PAK5: variants seen among roughly 807,000 people sequenced by gnomAD.
PAK5 encodes serine/threonine-protein kinase PAK 5.
A neutral mutation model predicts 65.9 loss-of-function variants in PAK5; 16 were observed. The observed-to-expected ratio is 0.24, with a 90% CI of 0.16 to 0.37. The LOEUF is 0.37. Ranked by LOEUF, PAK5 falls within the 10% of genes least tolerant of loss-of-function variation. The probability of loss-of-function intolerance (pLI) is 1.00; values close to 1 mark genes in which losing one functional copy is unlikely to be tolerated. For missense variants in PAK5, 785 were observed against 903.9 expected (o/e 0.87, Z 1.69); for synonymous variants, 371 against 354.9 (o/e 1.05, Z -0.51).
At chr20:9,823,753 G>A (rs1046739386) in intron 1 of PAK5, among the ~76,000 whole-genome samples, 7 of 152,110 alleles carry the variant, frequency 4.6e-5, no homozygotes, top group Non-Finnish European at 1.0e-4. Context: ...CTCTCTTAAC[G>A]GTATTCCATG....
In PAK5 at chr20:9,789,078, A is replaced by G. The variant is rs79213533; in HGVS notation, c.-162+49684T>C. ...GGGTTCCTAGCTGAGCTCTATGGGA[A>G]GTTCTCAGTATGCCATTTGGGGTAA... On this transcript the variant is annotated intron_variant, in intron 1 of 9. Coordinates refer to ENST00000353224, the MANE Select transcript of PAK5 (RefSeq NM_177990.4). Among the ~76,000 whole-genome samples, 14 of 152,310 alleles carry G rather than the reference A, an allele frequency of 9.2e-5. 1 individual carries two copies. In the East Asian group the frequency reaches 2.3e-3, roughly 25 times the overall value.
At chr20:9,570,235 G>T (rs548850520) in intron 4 of PAK5, among the ~76,000 whole-genome samples, 1 of 152,052 alleles carries the variant, frequency 6.6e-6, no homozygotes, top group South Asian at 2.1e-4. Context: ...GCACAGTAAT[G>T]AGAATGCAAA....
chr20:9,631,155 G>A (rs917176891), intron 3 of PAK5, among the ~76,000 whole-genome samples: 4 of 152,306 alleles, frequency 2.6e-5, no homozygotes, highest in South Asian at 2.1e-4. Flanking sequence ...CATTGGGAAC[G>A]AGGTAGACAG....
intron 7 of PAK5, among the ~76,000 whole-genome samples, chr20:9,546,194 C>T (rs1202896603): frequency 6.6e-6 from 1 of 152,150 alleles, no homozygotes. Flanking sequence ...ATAGAGTGAA[C>T]ATCCCTATCT....
chr20:9,544,595 CTCA>C, intron 7 of PAK5, 101 bp from the exon 8 acceptor site: 1 of 1,097,240 alleles, frequency 9.1e-7, no homozygotes. Flanking sequence ...ACAAAACAGT[CTCA>C]TCAACAGGCC....
chr20:9,581,115 A>T (rs1359477291), intron 3 of PAK5, among the ~76,000 whole-genome samples, 185 bp from the exon 4 acceptor site: 1 of 152,176 alleles, frequency 6.6e-6, no homozygotes, highest in Non-Finnish European at 1.5e-5. Context: ...CAAATAGTAA[A>T]CAATCTCAAA....
chr20:9,711,781 C>T (rs543603578), intron 1 of PAK5, among the ~76,000 whole-genome samples: 11 of 152,238 alleles, frequency 7.2e-5, no homozygotes, highest in Non-Finnish European at 1.0e-4. Flanking sequence ...TAGCCCACTA[C>T]CTGGTAATCG....
At chr20:9,807,584 A>C (rs986297422) in intron 1 of PAK5, among the ~76,000 whole-genome samples, 1 of 152,048 alleles carries the variant, frequency 6.6e-6, no homozygotes, top group African/African-American at 2.4e-5. Flanking sequence ...AGCTGCAAAA[A>C]GTTGAAATAA....
intron 2 of PAK5, among the ~76,000 whole-genome samples, chr20:9,673,064 AT>A (rs758141633): frequency 1.3e-5 from 2 of 152,320 alleles, no homozygotes; most frequent in African/African-American, 2.4e-5. Context: ...AAGGAAAAAA[AT>A]AACATGGGCA....
intron 1 of PAK5, among the ~76,000 whole-genome samples, chr20:9,714,583 G>T (rs1181163235): frequency 6.6e-6 from 1 of 152,012 alleles, no homozygotes; most frequent in Non-Finnish European, 1.5e-5. Context: ...ATTTTAAAAT[G>T]GTTACCCTTA....
chr20:9,571,895 T>G (rs1199503342), intron 4 of PAK5, among the ~76,000 whole-genome samples: 1 of 90,310 alleles, frequency 1.1e-5, no homozygotes, highest in African/African-American at 4.2e-5. Context: ...GATGTGGTCT[T>G]AACAGGGGCG....
intron 1 of PAK5, among the ~76,000 whole-genome samples, chr20:9,736,288 A>G (rs2048388937): frequency 6.6e-6 from 1 of 152,182 alleles, no homozygotes; most frequent in African/African-American, 2.4e-5. Flanking sequence ...AACTTCAAGT[A>G]GCCTAATTTA....
intron 1 of PAK5, among the ~76,000 whole-genome samples, chr20:9,817,628 C>T (rs573822960): frequency 1.3e-5 from 2 of 152,112 alleles, no homozygotes; most frequent in Non-Finnish European, 2.9e-5. Context: ...GGAGTGATGA[C>T]AACCCACAGC....
intron 4 of PAK5, among the ~76,000 whole-genome samples, chr20:9,570,113 ATACT>A (rs1267057009): frequency 7.9e-5 from 12 of 152,138 alleles, no homozygotes; most frequent in Non-Finnish European, 1.5e-4. Context: ...AACAATAATA[ATACT>A]TACTTCCTTT....
intron 1 of PAK5, among the ~76,000 whole-genome samples, chr20:9,728,763 G>GT (rs71184155): frequency 6.0e-4 from 89 of 147,254 alleles, no homozygotes; most frequent in East Asian, 4.4e-3. Context: ...TCCTAGATCT[G>GT]TTTTTTTTTT....
chr20:9,677,556 A>G (rs1463004968), intron 2 of PAK5, among the ~76,000 whole-genome samples: 2 of 152,306 alleles, frequency 1.3e-5, no homozygotes, highest in African/African-American at 4.8e-5. Flanking sequence ...ACTAGTTTCC[A>G]TTTACTTGTA....
intron 1 of PAK5, among the ~76,000 whole-genome samples, chr20:9,747,674 T>C (rs2048524823): frequency 6.6e-6 from 1 of 152,044 alleles, no homozygotes; most frequent in Admixed American, 6.6e-5. Context: ...TAGGTATTGA[T>C]GGGACGTATT....
At chr20:9,813,622 G>A (rs1304536606) in intron 1 of PAK5, among the ~76,000 whole-genome samples, 1 of 152,042 alleles carries the variant, frequency 6.6e-6, no homozygotes, top group Non-Finnish European at 1.5e-5. Context: ...AAAAACTGTG[G>A]TGTATTCATA....
chr20:9,736,823 A>T (rs2048394615), intron 1 of PAK5, among the ~76,000 whole-genome samples: 1 of 152,226 alleles, frequency 6.6e-6, no homozygotes, highest in Non-Finnish European at 1.5e-5. Flanking sequence ...AACTCCAGGC[A>T]CAAGAAACAT....
Sources: allele counts gnomAD v4.1 joint callset (sites outside exome capture counted in the v4.1 genomes callset), GRCh38; gene constraint gnomAD v4.1.1; transcripts MANE v1.5; gene names NCBI Gene and HGNC (gene_info 2026-07-23, HGNC 2026-07-21).